The following EVI5 variants were observed in gnomAD, a reference collection of about 807,000 sequenced individuals.
EVI5 encodes the protein ecotropic viral integration site 5.
In EVI5, 73 loss-of-function variants were observed where a neutral mutation model predicts 112.0. The observed-to-expected ratio is 0.65, with a 90% CI of 0.54 to 0.79. The LOEUF (loss-of-function observed/expected upper bound fraction) is 0.79, where lower values mean the gene tolerates loss of function less well. EVI5 is among the 30% of genes least tolerant of loss of function. EVI5 has a pLI of 0.00. For missense variants in EVI5, 900 were observed against 968.8 expected (o/e 0.93, Z 0.94); for synonymous variants, 305 against 319.9 (o/e 0.95, Z 0.50).
chr1:92,661,311 G>A (rs1209169073), intron 13 of EVI5, among the ~76,000 whole-genome samples: 1 of 152,028 alleles, frequency 6.6e-6, no homozygotes, highest in Non-Finnish European at 1.5e-5. Flanking sequence ...GCCGTAATAT[G>A]CTCATTCACT....
At chr1:92,633,825 T>C (rs76683679) in intron 14 of EVI5, among the ~76,000 whole-genome samples, 1 of 152,212 alleles carries the variant, frequency 6.6e-6, no homozygotes, top group Admixed American at 6.5e-5. Flanking sequence ...GTACCAGCTG[T>C]TCCTTTCCAT....
intron 18 of EVI5, among the ~76,000 whole-genome samples, chr1:92,602,392 T>C (rs1649363458): frequency 6.6e-6 from 1 of 151,868 alleles, no homozygotes. Context: ...CACATTTATT[T>C]TTATTAAAAA....
chr1:92,554,959 C>T (rs921229737), intron 19 of EVI5, among the ~76,000 whole-genome samples: 1 of 152,058 alleles, frequency 6.6e-6, no homozygotes. Context: ...CCAGCTGGGC[C>T]ACAGAGCAAG....
intron 11 of EVI5, among the ~76,000 whole-genome samples, chr1:92,663,807 T>C (rs1664418147): frequency 6.6e-6 from 1 of 152,172 alleles, no homozygotes; most frequent in Non-Finnish European, 1.5e-5. Flanking sequence ...AATGGCATCA[T>C]CATGTAGCTC....
intron 19 of EVI5, among the ~76,000 whole-genome samples, chr1:92,560,090 T>C (rs1374162593): frequency 6.6e-6 from 1 of 152,154 alleles, no homozygotes; most frequent in East Asian, 1.9e-4. Context: ...ATAGACAGTA[T>C]AAACTGGCAT....
At position 92,708,274 on chromosome 1, in the gene EVI5, G is replaced by A. The variant is rs372291993; in HGVS notation, c.150-3530C>T. On this transcript the variant is annotated intron_variant, in intron 2 of 19. Transcript: ENST00000684568. ...GGGACTTGTATCTAGAATATAGAAA[G>A]AACCCTTACAAATCAACAATAACGT... Among the ~76,000 whole-genome samples the A allele has an allele frequency of 4.0e-5, 6 of 151,404 alleles. 1 individual carries two copies. The South Asian group carries it at 1.3e-3, about 32-fold the overall frequency.
intron 16 of EVI5, among the ~76,000 whole-genome samples, chr1:92,620,895 T>C (rs910596111): frequency 1.3e-5 from 2 of 152,176 alleles, no homozygotes; most frequent in Non-Finnish European, 2.9e-5. Context: ...TAGTAGCATA[T>C]ATATTTGGAC....
At chr1:92,528,484 A>C (rs1662299773) in intron 19 of EVI5, among the ~76,000 whole-genome samples, 1 of 152,198 alleles carries the variant, frequency 6.6e-6, no homozygotes, top group Non-Finnish European at 1.5e-5. Flanking sequence ...AAGTAAATAC[A>C]TTACACCAAA....
At chr1:92,712,710 G>A (rs753568646) in intron 2 of EVI5, among the ~76,000 whole-genome samples, 34 of 151,962 alleles carry the variant, frequency 2.2e-4, no homozygotes, top group Non-Finnish European at 4.1e-4. Context: ...ATAGAGACTT[G>A]AAAATATCTA....
intron 13 of EVI5, among the ~76,000 whole-genome samples, chr1:92,656,334 T>C (rs1303891888): frequency 6.6e-6 from 1 of 152,046 alleles, no homozygotes; most frequent in East Asian, 1.9e-4. Flanking sequence ...ATCTAAAACT[T>C]TTTTGAAACA....
Position 92,701,424 on chromosome 1 carries a change from C to G in EVI5, c.639+717G>C, listed in dbSNP as rs77566105. 5.6e-3 allele frequency among the ~76,000 whole-genome samples: 846 copies of G among 152,284 alleles called. 8 individuals are homozygous for G. Among genetic ancestry groups the G allele is most frequent in the African/African-American group, 0.019 (796 of 41,544 alleles). On this transcript the variant is annotated intron_variant, in intron 5 of 19. Coordinates refer to ENST00000684568, the MANE Select transcript of EVI5 (RefSeq NM_001350197.2). ...TTAAATAATCTAGCCTAAATTCATA[C>G]AGCATGTGCAGAACTGAGTTGCAAA...
intron 2 of EVI5, among the ~76,000 whole-genome samples, chr1:92,708,611 AG>A (rs1265772512): frequency 6.6e-6 from 1 of 152,144 alleles, no homozygotes; most frequent in Admixed American, 6.5e-5. Context: ...TTCCACTCTT[AG>A]GTATATATCC....
At chr1:92,634,955 G>C (rs2101898934) in intron 14 of EVI5, among the ~76,000 whole-genome samples, 1 of 152,320 alleles carries the variant, frequency 6.6e-6, no homozygotes, top group Middle Eastern at 3.4e-3. Context: ...TCCAGACCCT[G>C]TTTGCCTGTG....
chr1:92,768,159 C>T (rs1287660934), intron 1 of EVI5, among the ~76,000 whole-genome samples: 1 of 149,194 alleles, frequency 6.7e-6, no homozygotes. Context: ...AAAAAAAAAT[C>T]CTCAAAATGC....
chr1:92,512,213 C>G lies in EVI5; in HGVS notation c.*1443G>C, dbSNP rs1222002154. On this transcript the variant is annotated 3_prime_UTR_variant, in exon 20 of 20. Transcript: ENST00000684568. The stretch of plus-strand genomic sequence containing the variant: ...GATTCTTATGGCTTTATCTATAGAA[C>G]AAAAACTAGAGATTCTGAAGATCAT... 6.6e-6 allele frequency: 1 copy of G among 152,514 alleles called. No homozygotes were observed. Among genetic ancestry groups the G allele is most frequent in the East Asian group, 1.9e-4 (1 of 5,198 alleles). 9.4% of individuals were successfully genotyped at this position (152,514 alleles called of 1,614,324 possible).
chr1:92,516,823 T>A (rs1050025831), intron 19 of EVI5, among the ~76,000 whole-genome samples: 3 of 151,694 alleles, frequency 2.0e-5, no homozygotes, highest in Non-Finnish European at 4.4e-5. Context: ...AGGGGCAAAC[T>A]ATATTTAAGC....
intron 14 of EVI5, among the ~76,000 whole-genome samples, chr1:92,633,044 TGTTATAATTTCTGTTCTTTTACATTCG>T (rs1265379952): frequency 1.3e-5 from 2 of 152,248 alleles, no homozygotes; most frequent in African/African-American, 4.8e-5. Flanking sequence ...AGACACAGTT[TGTTATAATTTCTGTTCTTTTACATTCG>T]CTGAGGAGTG....
chr1:92,642,176 C>T (rs371010418), intron 13 of EVI5, among the ~76,000 whole-genome samples: 2 of 151,960 alleles, frequency 1.3e-5, no homozygotes, highest in East Asian at 1.9e-4. Context: ...ATATGATTTG[C>T]GCTCAACATC....
rs150008895 is a variant in EVI5, at chr1:92,696,551, G to C, written c.766-1098C>G. 2.3e-3 allele frequency among the ~76,000 whole-genome samples: 342 copies of C among 151,996 alleles called. 3 individuals carry two copies. The Middle Eastern group carries it at 0.024, about 11-fold the overall frequency. ...ATCCAGGAGGCTGAGGGAGGAGGATGGCTTGAACCCAGGAGGTCAAGGCGG... is the reference window on the plus strand; with the variant it reads ...ATCCAGGAGGCTGAGGGAGGAGGATCGCTTGAACCCAGGAGGTCAAGGCGG... On this transcript the variant is annotated intron_variant, in intron 6 of 19. Transcript: ENST00000684568.
Sources: allele counts gnomAD v4.1 joint callset (sites outside exome capture counted in the v4.1 genomes callset), GRCh38; gene constraint gnomAD v4.1.1; transcripts MANE v1.5; gene names NCBI Gene and HGNC (gene_info 2026-07-23, HGNC 2026-07-21).